Variants in IL15RA observed in about 807,000 individuals in gnomAD.
IL15RA encodes interleukin-15 receptor subunit alpha.
IL15RA carries 26 observed loss-of-function variants against 24.2 expected under a neutral mutation model. The observed-to-expected ratio is 1.07, with a 90% CI of 0.79 to 1.49. The LOEUF is 1.49. Ranked by LOEUF, IL15RA falls within the 40% of genes most tolerant of loss-of-function variation. IL15RA has a pLI of 0.00. For missense variants in IL15RA, 354 were observed against 356.4 expected, an observed-to-expected ratio of 0.99 and a Z score of 0.05; for synonymous variants, 166 against 157.6, an observed-to-expected ratio of 1.05 and a Z score of -0.40.
Position 5,968,847 on chromosome 10 carries a change from G to C in IL15RA, c.89-2508C>G, listed in dbSNP as rs147288018. ...TTCCATTGTCCTGAGTCTCACGCAG[G>C]CCTCGTGTGTCTGGACCTCATGGTT... On this transcript the variant is annotated intron_variant, in intron 1 of 6. Coordinates refer to ENST00000379977, the MANE Select transcript of IL15RA (RefSeq NM_002189.4). The surrounding 1 kb of genome is among the most constrained non-coding windows in gnomAD (Gnocchi z 5.4). The C allele has an allele frequency of 1.4e-5, 13 of 917,396 alleles. No homozygotes were observed. Among genetic ancestry groups the C allele is most frequent in the South Asian group, 1.3e-4 (9 of 71,740 alleles). The allele number at this position is 917,396 out of a possible 1,614,324, so 56.8% of individuals were successfully genotyped here. A position where few individuals can be genotyped will look rare whatever the true frequency, so the allele number is the denominator to read the frequency against.
intron 1 of IL15RA, among the ~76,000 whole-genome samples, chr10:5,974,881 T>C (rs146899069): frequency 2.6e-5 from 4 of 151,378 alleles, no homozygotes; most frequent in Non-Finnish European, 4.4e-5. Flanking sequence ...TGTCTCAAAA[T>C]AAGTAAATTA....
chr10:5,953,376 A>ACTTAGAATG lies in IL15RA; in HGVS notation c.693-171_693-170insCATTCTAAG. 1 of 715,696 alleles carries ACTTAGAATG rather than the reference A, an allele frequency of 1.4e-6. No homozygotes were observed. The highest frequency in any genetic ancestry group is 2.6e-6 in the Non-Finnish European group (1 of 386,182). The allele number at this position is 715,696 out of a possible 1,614,324, so 44.3% of individuals were successfully genotyped here. On this transcript the variant is annotated intron_variant, in intron 6 of 6. Coordinates refer to ENST00000379977, the MANE Select transcript of IL15RA (RefSeq NM_002189.4). This position sits in a 1 kb window ranked among gnomAD's most constrained non-coding sequence, Gnocchi z 5.3. ...CACTTAGTCCTCAGAGATGGAGAGA[A>ACTTAGAATG]CCTAGAATGCCTACCTCTACCGAGT... is the stretch of plus-strand genomic sequence containing the variant.
At position 5,960,529 on chromosome 10, in the gene IL15RA, C is replaced by G; in HGVS notation, c.421G>C (p.Ala141Pro). 1.9e-6 allele frequency: 3 copies of G among 1,614,116 alleles called. No individual in the cohort carries two copies. Among genetic ancestry groups the G allele is most frequent in the Non-Finnish European group, 2.5e-6 (3 of 1,180,016 alleles). ...CCCGGGACAATAGCTGCTGTTGTGG[C>G]CGCTGTGTTGTTTGAGCTGGGAGAT... ...ASSPSSNNTAATTAAIVPGSQ... is the reference protein window; with the variant it reads ...ASSPSSNNTAPTTAAIVPGSQ... The change falls in exon 4 of 7, where the codon GCC becomes CCC. Residue 141 changes from alanine to proline, a missense_variant. Transcript: ENST00000379977. This position sits in a 1 kb window ranked among gnomAD's most constrained non-coding sequence, Gnocchi z 5.1.
chr10:5,965,651 T>A lies in IL15RA; in HGVS notation c.283+494A>T, dbSNP rs1277329527. On this transcript the variant is annotated intron_variant, in intron 2 of 6. Transcript: ENST00000379977. The surrounding 1 kb of genome is among the most constrained non-coding windows in gnomAD (Gnocchi z 5.8). Reference sequence around the variant, plus strand: ...GCAAAGCCAGGATTTAAACCCAGAATCCTGTGACCCCAGCACCTGTGTGTT... The same window carrying A: ...GCAAAGCCAGGATTTAAACCCAGAAACCTGTGACCCCAGCACCTGTGTGTT... 2.0e-5 allele frequency among the ~76,000 whole-genome samples: 3 copies of A among 152,222 alleles called. No individual in the cohort carries two copies. Among genetic ancestry groups the A allele is most frequent in the Non-Finnish European group, 4.4e-5 (3 of 68,036 alleles).
chr10:5,977,675 A>C, upstream of IL15RA: 1 of 1,235,446 alleles, frequency 8.1e-7, no homozygotes, highest in Non-Finnish European at 1.0e-6. Flanking sequence ...CAGCGTCCCC[A>C]CCCCTGCTGG....
intron 1 of IL15RA, among the ~76,000 whole-genome samples, chr10:5,976,195 C>G (rs1838424679): frequency 6.6e-6 from 1 of 151,458 alleles, no homozygotes. Context: ...CCAACTAACT[C>G]TGCTTCTCAG....
rs200373854 is a variant in IL15RA, at chr10:5,967,181, G to GCCTTGCCTTA, written c.89-852_89-843dup. On this transcript the variant is annotated intron_variant, in intron 1 of 6. Coordinates refer to ENST00000379977, the MANE Select transcript of IL15RA (RefSeq NM_002189.4). The surrounding 1 kb of genome is among the most constrained non-coding windows in gnomAD (Gnocchi z 4.4). ...GCAAGATCGGGCCTTGCCTTGTCTT[G>GCCTTGCCTTA]CCTTGCCTTACCTTGCCTTACCTTG... is the stretch of plus-strand genomic sequence containing the variant. Among the ~76,000 whole-genome samples the GCCTTGCCTTA allele has an allele frequency of 3.9e-5, 6 of 152,092 alleles. No individual in the cohort carries two copies. Among genetic ancestry groups the GCCTTGCCTTA allele is most frequent in the Admixed American group, 6.6e-5 (1 of 15,266 alleles).
Position 5,962,811 on chromosome 10 carries a change from A to G in IL15RA, c.382+932T>C, listed in dbSNP as rs1013242678. ...AGGACCAGGGAAAGCCACAGGCTGG[A>G]CGATGCAACACTAAAGCCAAGAGTG... On this transcript the variant is annotated intron_variant, in intron 3 of 6. Coordinates refer to ENST00000379977, the MANE Select transcript of IL15RA (RefSeq NM_002189.4). The surrounding 1 kb of genome is among the most constrained non-coding windows in gnomAD (Gnocchi z 5.2). Among the ~76,000 whole-genome samples, 15 of 152,180 alleles carry G rather than the reference A, an allele frequency of 9.9e-5. No homozygotes were observed. Among genetic ancestry groups the G allele is most frequent in the African/African-American group, 3.4e-4 (14 of 41,434 alleles).
Sources: allele counts gnomAD v4.1 joint callset (sites outside exome capture counted in the v4.1 genomes callset), GRCh38; gene constraint gnomAD v4.1.1; non-coding constraint Gnocchi (gnomAD v3.1); transcripts MANE v1.5; gene names NCBI Gene and HGNC (gene_info 2026-07-23, HGNC 2026-07-21).